The following ARHGAP6 variants were observed in gnomAD, a reference collection of about 807,000 sequenced individuals.
ARHGAP6 encodes the protein rho GTPase-activating protein 6.
In ARHGAP6, 16 loss-of-function variants were observed where a neutral mutation model predicts 55.7. That is an observed-to-expected ratio of 0.29 (90% CI 0.19 to 0.44). The LOEUF (loss-of-function observed/expected upper bound fraction) is 0.44, where lower values mean the gene tolerates loss of function less well. Ranked by LOEUF, ARHGAP6 falls within the 20% of genes least tolerant of loss-of-function variation. ARHGAP6 has a pLI of 1.00. For missense variants in ARHGAP6, 698 were observed against 808.9 expected (o/e 0.86, Z 1.66); for synonymous variants, 382 against 360.9 (o/e 1.06, Z -0.66).
chrX:11,358,478 TTTCTTTC>T (rs1261558750), intron 1 of ARHGAP6, among the ~76,000 whole-genome samples: 90 of 91,776 alleles, frequency 9.8e-4, no homozygotes, highest in East Asian at 5.8e-3. Context: ...TCTTTCTTTC[TTTCTTTC>T]TTTTTTTTTT....
intron 1 of ARHGAP6, among the ~76,000 whole-genome samples, chrX:11,354,284 TC>T (rs1391060773): frequency 3.7e-5 from 3 of 82,112 alleles, no homozygotes; most frequent in African/African-American, 1.4e-4. Flanking sequence ...TCTCTCTCTC[TC>T]TCTCTCTCTT....
chrX:11,580,924 C>T (rs1337350799), intron 1 of ARHGAP6, among the ~76,000 whole-genome samples: 1 of 112,051 alleles, frequency 8.9e-6, no homozygotes, highest in Non-Finnish European at 1.9e-5. Flanking sequence ...CCATGGACTA[C>T]GCCATCTGCA....
At chrX:11,275,704 GCC>G (rs1007421008) in intron 1 of ARHGAP6, among the ~76,000 whole-genome samples, 2 of 111,529 alleles carry the variant, frequency 1.8e-5, no homozygotes, top group Non-Finnish European at 3.8e-5. Flanking sequence ...TCAAGATCTG[GCC>G]ACTGCTTAGC....
chrX:11,194,243 T>C (rs1030138911), intron 3 of ARHGAP6, among the ~76,000 whole-genome samples: 8 of 112,507 alleles, frequency 7.1e-5, no homozygotes, highest in Admixed American at 2.8e-4. Context: ...AACAATTAAA[T>C]ATAACACAAT....
At chrX:11,214,257 GCACACACACACA>G (rs35340720) in intron 2 of ARHGAP6, among the ~76,000 whole-genome samples, 3 of 100,974 alleles carry the variant, frequency 3.0e-5, no homozygotes, top group Non-Finnish European at 6.1e-5. Context: ...CTTTGCTTAA[GCACACACACACA>G]CACACACACA....
chrX:11,478,411 G>A (rs1190946117), intron 1 of ARHGAP6, among the ~76,000 whole-genome samples: 1 of 112,027 alleles, frequency 8.9e-6, no homozygotes, highest in Admixed American at 9.4e-5. Context: ...CAAAAGCATT[G>A]CGTACAGTGA....
chrX:11,590,621 C>A (rs1569410583), intron 1 of ARHGAP6, among the ~76,000 whole-genome samples: 1 of 105,493 alleles, frequency 9.5e-6, no homozygotes, highest in Non-Finnish European at 1.9e-5. Flanking sequence ...CCCATTTCTA[C>A]TAAAAACACA....
chrX:11,454,143 G>A lies in ARHGAP6; in HGVS notation c.589-199436C>T, dbSNP rs989455839. Among the ~76,000 whole-genome samples the A allele has an allele frequency of 4.3e-4, 32 of 73,815 alleles. No homozygotes were observed. The South Asian group carries it at 0.022, about 51-fold the overall frequency. The allele number at this position is 73,815 out of a possible 115,157, so 64.1% of individuals were successfully genotyped here. On this transcript the variant is annotated intron_variant, in intron 1 of 12. Coordinates refer to ENST00000337414, the MANE Select transcript of ARHGAP6 (RefSeq NM_013427.3). ...TTTTTTTTTTTTTTTTGTATTTTTA[G>A]TAGAGACAGGGTTTCACCGTGTTAG...
At chrX:11,556,856 C>T (rs2051324460) in intron 1 of ARHGAP6, among the ~76,000 whole-genome samples, 1 of 111,705 alleles carries the variant, frequency 9.0e-6, no homozygotes, top group African/African-American at 3.3e-5. Context: ...TGTCTCCCTA[C>T]TAGGTTCTGA....
At position 11,665,582 on chromosome X, in the gene ARHGAP6, G is replaced by A. The variant is rs935382489; in HGVS notation, c.-754C>T. On this transcript the variant is annotated 5_prime_UTR_variant, in exon 1 of 13. Coordinates refer to ENST00000337414, the MANE Select transcript of ARHGAP6 (RefSeq NM_013427.3). ...GGACCTCCAAAGACTGCGTGCCCAC[G>A]GTGGGATGGAATTCCCGGCGGCGCT... 1 of 113,548 alleles carries A rather than the reference G, an allele frequency of 8.8e-6. No individual in the cohort carries two copies. 9.4% of individuals were successfully genotyped at this position (113,548 alleles called of 1,213,427 possible). A position where few individuals can be genotyped will look rare whatever the true frequency, so the allele number is the denominator to read the frequency against.
chrX:11,262,541 C>T (rs2047574504), intron 1 of ARHGAP6, among the ~76,000 whole-genome samples: 1 of 111,696 alleles, frequency 9.0e-6, no homozygotes, highest in African/African-American at 3.3e-5. Context: ...TCTCATCCAA[C>T]TGTAAACTCC....
In ARHGAP6 at chrX:11,610,979, T is replaced by C. The variant is rs187468686; in HGVS notation, c.588+53262A>G. Among the ~76,000 whole-genome samples, 279 of 112,827 alleles carry C rather than the reference T, an allele frequency of 2.5e-3. 1 individual carries two copies. The highest frequency in any genetic ancestry group is 4.6e-3 in the Middle Eastern group (1 of 218). ...CTTCGTATAATGTTTTCAAAGTTCA[T>C]CTATGTTGTAGCATATACCAGTACT... On this transcript the variant is annotated intron_variant, in intron 1 of 12. Coordinates refer to ENST00000337414, the MANE Select transcript of ARHGAP6 (RefSeq NM_013427.3).
chrX:11,506,215 G>C (rs968452357), intron 1 of ARHGAP6, among the ~76,000 whole-genome samples: 1 of 110,867 alleles, frequency 9.0e-6, no homozygotes, highest in Non-Finnish European at 1.9e-5. Flanking sequence ...CTGAGTGGGG[G>C]CTTTTTCTTC....
chrX:11,420,247 A>T (rs902878799), intron 1 of ARHGAP6, among the ~76,000 whole-genome samples: 4 of 112,298 alleles, frequency 3.6e-5, no homozygotes, highest in African/African-American at 1.3e-4. Context: ...GCATCACTGG[A>T]TCTACCTTTA....
At chrX:11,267,586 A>G (rs905234298) in intron 1 of ARHGAP6, among the ~76,000 whole-genome samples, 1 of 112,370 alleles carries the variant, frequency 8.9e-6, no homozygotes, top group Non-Finnish European at 1.9e-5. Context: ...CAGTGATGAA[A>G]TAAGAATGTT....
At chrX:11,382,798 G>T (rs902312004) in intron 1 of ARHGAP6, among the ~76,000 whole-genome samples, 1 of 111,233 alleles carries the variant, frequency 9.0e-6, no homozygotes, top group African/African-American at 3.3e-5. Flanking sequence ...AAAGTACCAA[G>T]GAAACCAAAA....
At chrX:11,242,597 T>C (rs2047298362) in intron 2 of ARHGAP6, among the ~76,000 whole-genome samples, 1 of 112,125 alleles carries the variant, frequency 8.9e-6, no homozygotes, top group African/African-American at 3.2e-5. Flanking sequence ...ACTTTTAGTT[T>C]AGTCTAGGTA....
chrX:11,459,787 G>A (rs17327760), intron 1 of ARHGAP6, among the ~76,000 whole-genome samples: 12,164 of 111,214 alleles, frequency 0.11, 619 homozygotes, highest in Admixed American at 0.2. Context: ...GGCCAAGTGT[G>A]AGTTCTGTAT....
intron 1 of ARHGAP6, among the ~76,000 whole-genome samples, chrX:11,575,639 A>G (rs2051587234): frequency 8.9e-6 from 1 of 112,185 alleles, no homozygotes; most frequent in Non-Finnish European, 1.9e-5. Flanking sequence ...AAATGTTAGC[A>G]TATGTTGGCT....
Sources: gnomAD v4.1 joint callset for allele counts (sites outside exome capture counted in the v4.1 genomes callset) on GRCh38, gnomAD v4.1.1 for gene constraint, MANE v1.5 for transcripts, NCBI Gene and HGNC (gene_info 2026-07-23, HGNC 2026-07-21) for gene names.